Variants in KIF3C observed in about 807,000 individuals in gnomAD.
KIF3C encodes the protein kinesin-like protein KIF3C.
In KIF3C, 12 loss-of-function variants were observed where a neutral mutation model predicts 67.7. The ratio of observed to expected loss-of-function variants is 0.18; its 90% CI spans 0.11 to 0.29. KIF3C has a LOEUF of 0.29. Among genes scored for constraint, KIF3C ranks in the 10% least tolerant of loss-of-function variants. The probability of loss-of-function intolerance (pLI) is 1.00; values close to 1 mark genes in which losing one functional copy is unlikely to be tolerated. For synonymous variants in KIF3C, 393 were observed against 426.2 expected (o/e 0.92, Z 0.96); for missense variants, 789 against 1,059.6 (o/e 0.74, Z 3.55).
At chr2:25,943,541 C>A (rs1047248681) in intron 5 of KIF3C, among the ~76,000 whole-genome samples, 3 of 152,116 alleles carry the variant, frequency 2.0e-5, no homozygotes, top group Admixed American at 2.0e-4. Flanking sequence ...AAACTTGTTT[C>A]ATATAAAAAA....
intron 1 of KIF3C, among the ~76,000 whole-genome samples, chr2:25,962,128 C>T (rs939970073): frequency 1.3e-5 from 2 of 152,010 alleles, no homozygotes; most frequent in East Asian, 1.9e-4. Context: ...TTAGGACAAA[C>T]GAAAAGGAGT....
At chr2:25,951,933 GA>G (rs760453710) in intron 4 of KIF3C, 28 bp from the exon 5 acceptor site, 1 of 1,483,160 alleles carries the variant, frequency 6.7e-7, no homozygotes, top group Non-Finnish European at 9.4e-7. Flanking sequence ...GGAGTGATGG[GA>G]AAATGGGTGA....
chr2:25,979,879 C>T (rs912608890), intron 1 of KIF3C, among the ~76,000 whole-genome samples: 2 of 152,140 alleles, frequency 1.3e-5, no homozygotes, highest in Admixed American at 6.6e-5. Context: ...CCCTGGATGG[C>T]CAAAGGATCC....
chr2:25,963,190 ATATATATTTTTTTT>A (rs1352720361), intron 1 of KIF3C, among the ~76,000 whole-genome samples: 1 of 53,622 alleles, frequency 1.9e-5, no homozygotes, highest in African/African-American at 1.3e-4. Context: ...ATATATATAT[ATATATATTTTTTTT>A]TTTTTTTTTT....
chr2:25,951,962 G>A (rs952644499), intron 4 of KIF3C, 57 bp from the exon 5 acceptor site: 2 of 1,164,634 alleles, frequency 1.7e-6, no homozygotes, highest in South Asian at 1.2e-5. Context: ...ACCACGTGGT[G>A]CATGTGAGGG....
At chr2:25,979,331 T>A (rs927882273) in intron 1 of KIF3C, among the ~76,000 whole-genome samples, 1 of 152,156 alleles carries the variant, frequency 6.6e-6, no homozygotes, top group Non-Finnish European at 1.5e-5. Flanking sequence ...TCAGGAAGGA[T>A]GCTGAGGTCC....
chr2:25,955,367 C>T lies in KIF3C; in HGVS notation c.1770+174G>A, dbSNP rs962097965. Reference sequence around the variant, plus strand: ...GCCCAGGAGAAAAGGCTCTACTCCACCCCCAGCCCCCGCCTCCTGCCTCCC... The same window carrying T: ...GCCCAGGAGAAAAGGCTCTACTCCATCCCCAGCCCCCGCCTCCTGCCTCCC... On this transcript the variant is annotated intron_variant, in intron 3 of 7. Coordinates refer to ENST00000264712, the MANE Select transcript of KIF3C (RefSeq NM_002254.8). This position sits in a 1 kb window ranked among gnomAD's most constrained non-coding sequence, Gnocchi z 5.0. Among the ~76,000 whole-genome samples the T allele has an allele frequency of 6.6e-6, 1 of 152,056 alleles. No individual in the cohort carries two copies. The highest frequency in any genetic ancestry group is 1.5e-5 in the Non-Finnish European group (1 of 68,002).
chr2:25,964,975 A>G (rs918249156), intron 1 of KIF3C, among the ~76,000 whole-genome samples: 1 of 151,888 alleles, frequency 6.6e-6, no homozygotes. Context: ...TGGACCTAGA[A>G]CTCTGCTTCA....
At chr2:25,948,535 A>G (rs1219639754) in intron 5 of KIF3C, among the ~76,000 whole-genome samples, 3 of 151,958 alleles carry the variant, frequency 2.0e-5, no homozygotes, top group South Asian at 2.1e-4. Flanking sequence ...GTGAGACTCA[A>G]GAAAAAAGAA....
In KIF3C at chr2:25,981,766, G is replaced by C; in HGVS notation, c.152C>G (p.Pro51Arg). Residue 51 changes from proline to arginine, a missense_variant, in exon 1 of 8, where the codon CCG (proline) becomes CGG (arginine). By Grantham distance (103) the Pro-to-Arg change is moderately radical. Around this residue, in one of 2 missense-constraint regions of KIF3C, gnomAD observed 141 missense variants for 251.8 expected, o/e 0.56. Transcript: ENST00000264712. The surrounding 1 kb of genome is among the most constrained non-coding windows in gnomAD (Gnocchi z 8.2). Reference protein sequence around the residue: ...QVTLRNPRAAPGELPKTFTFD... With the variant: ...QVTLRNPRAARGELPKTFTFD... The stretch of plus-strand genomic sequence containing the variant: ...GGTGAAGGTCTTGGGCAGCTCCCCC[G>C]GGGCGGCGCGGGGGTTCCGCAGGGT... 1 of 1,613,538 alleles carries C rather than the reference G, an allele frequency of 6.2e-7. No individual in the cohort carries two copies. Among genetic ancestry groups the C allele is most frequent in the Non-Finnish European group, 8.5e-7 (1 of 1,179,706 alleles).
At chr2:25,965,828 A>G (rs1339896344) in intron 1 of KIF3C, among the ~76,000 whole-genome samples, 1 of 151,940 alleles carries the variant, frequency 6.6e-6, no homozygotes, top group Non-Finnish European at 1.5e-5. Context: ...AAAAGACTAT[A>G]GGTGGGTGGG....
intron 1 of KIF3C, among the ~76,000 whole-genome samples, chr2:25,976,268 T>C (rs1664412608): frequency 6.6e-6 from 1 of 151,996 alleles, no homozygotes; most frequent in African/African-American, 2.4e-5. Context: ...CTTTTCTACA[T>C]TCACCACAGA....
At chr2:25,933,112 G>A (rs778401014) in intron 5 of KIF3C, among the ~76,000 whole-genome samples, 14 of 151,786 alleles carry the variant, frequency 9.2e-5, no homozygotes, top group African/African-American at 2.9e-4. Flanking sequence ...TTAGCCAGGC[G>A]TGGCAGCATG....
At chr2:25,933,397 G>A (rs2090478187) in intron 5 of KIF3C, among the ~76,000 whole-genome samples, 1 of 152,008 alleles carries the variant, frequency 6.6e-6, no homozygotes, top group Admixed American at 6.6e-5. Context: ...GTGGCTGGGT[G>A]TGGTGGCTCA....
chr2:25,941,029 T>C (rs1419969624), intron 5 of KIF3C, among the ~76,000 whole-genome samples: 1 of 152,086 alleles, frequency 6.6e-6, no homozygotes, highest in Admixed American at 6.6e-5. Flanking sequence ...ATCTAGGGGC[T>C]GGGCACAGTG....
intron 1 of KIF3C, among the ~76,000 whole-genome samples, chr2:25,972,964 CAG>C (rs1409903131): frequency 6.6e-6 from 1 of 152,120 alleles, no homozygotes; most frequent in Non-Finnish European, 1.5e-5. Flanking sequence ...CTGGTTATGA[CAG>C]AGAGCTGAAA....
At chr2:25,940,149 TCTC>T (rs1467521946) in intron 5 of KIF3C, among the ~76,000 whole-genome samples, 1 of 152,140 alleles carries the variant, frequency 6.6e-6, no homozygotes, top group Non-Finnish European at 1.5e-5. Flanking sequence ...TCATTGATCA[TCTC>T]CTCCGCACCA....
In KIF3C at chr2:25,929,060, G is replaced by A; in HGVS notation, c.2300C>T (p.Pro767Leu). 1 of 1,613,722 alleles carries A rather than the reference G, an allele frequency of 6.2e-7. No homozygotes were observed. The highest frequency in any genetic ancestry group is 1.1e-5 in the South Asian group (1 of 91,074). The change falls in exon 8 of 8, where the codon CCT becomes CTT. Residue 767 changes from proline (P) to leucine (L), a missense_variant. By Grantham distance (98) the Pro-to-Leu change is moderately conservative. Transcript: ENST00000264712. ...TGTGGTGGAAGGTGGAGGCCGCTGA[G>A]GACTCTGGCACCTGCAGGGGAGATG... ...VRKSRSWCQS[P>L]QRPPPSTTHA...
chr2:25,932,671 A>G (rs188920776), intron 5 of KIF3C, among the ~76,000 whole-genome samples: 10 of 149,996 alleles, frequency 6.7e-5, no homozygotes, highest in African/African-American at 2.2e-4. Flanking sequence ...TGTCTTTACT[A>G]AAAATACAAA....
Sources: allele counts gnomAD v4.1 joint callset (sites outside exome capture counted in the v4.1 genomes callset), GRCh38; gene constraint gnomAD v4.1.1; regional missense constraint gnomAD v4.1.1; non-coding constraint Gnocchi (gnomAD v3.1); transcripts MANE v1.5; gene names NCBI Gene and HGNC (gene_info 2026-07-23, HGNC 2026-07-21).